NREP: variants seen among roughly 807,000 people sequenced by gnomAD.
NREP encodes the protein neuronal regeneration related protein.
NREP carries 5 observed loss-of-function variants against 8.6 expected under a neutral mutation model. That is an observed-to-expected ratio of 0.58 (90% CI 0.30 to 1.22). The LOEUF (loss-of-function observed/expected upper bound fraction) is 1.22. Among genes scored for constraint, NREP ranks in the 50% most tolerant of loss-of-function variants. The probability of loss-of-function intolerance (pLI) is 0.07; values close to 1 mark genes in which losing one functional copy is unlikely to be tolerated. For synonymous variants in NREP, 27 were observed against 28.0 expected (o/e 0.96, Z 0.11); for missense variants, 86 against 82.5 (o/e 1.04, Z -0.17).
At chr5:111,972,029 A>C (rs142370801) in intron 2 of NREP, among the ~76,000 whole-genome samples, 1 of 152,286 alleles carries the variant, frequency 6.6e-6, no homozygotes, top group Non-Finnish European at 1.5e-5. Context: ...TGTATAAAAA[A>C]CTCAAACAGC....
At chr5:111,912,975 C>G (rs1425998702) in intron 2 of NREP, among the ~76,000 whole-genome samples, 1 of 152,026 alleles carries the variant, frequency 6.6e-6, no homozygotes, top group East Asian at 1.9e-4. Flanking sequence ...TAGCATTGAC[C>G]AGTAATTGAT....
intron 2 of NREP, among the ~76,000 whole-genome samples, chr5:111,920,671 A>G (rs1283442768): frequency 6.6e-6 from 1 of 152,168 alleles, no homozygotes; most frequent in Non-Finnish European, 1.5e-5. Context: ...CTTCATTTAC[A>G]TAAGGCATGA....
chr5:111,940,771 C>A (rs1755807356), intron 2 of NREP, among the ~76,000 whole-genome samples: 1 of 152,010 alleles, frequency 6.6e-6, no homozygotes, highest in South Asian at 2.1e-4. Context: ...GTACTCACTG[C>A]AAGTTTGAGG....
chr5:111,808,677 A>G (rs947329711), intron 2 of NREP, among the ~76,000 whole-genome samples: 2 of 152,162 alleles, frequency 1.3e-5, no homozygotes, highest in Non-Finnish European at 2.9e-5. Context: ...CAATTTCGAT[A>G]ATATTCCATT....
chr5:111,747,646 C>G (rs892571858), intron 2 of NREP, among the ~76,000 whole-genome samples: 3 of 152,116 alleles, frequency 2.0e-5, no homozygotes. Context: ...CTTGGCTACT[C>G]CCCCTTCCTT....
At chr5:111,737,857 G>A (rs569392599) in intron 2 of NREP, among the ~76,000 whole-genome samples, 1 of 151,666 alleles carries the variant, frequency 6.6e-6, no homozygotes, top group African/African-American at 2.4e-5. Context: ...CACTGACCAA[G>A]GCTTTTTTTT....
At chr5:111,788,165 C>T (rs1325108799) in intron 2 of NREP, among the ~76,000 whole-genome samples, 3 of 152,152 alleles carry the variant, frequency 2.0e-5, no homozygotes, top group African/African-American at 7.2e-5. Flanking sequence ...ATATTGTGTT[C>T]TTGAGCCCAG....
rs372981898 is a variant in NREP, at chr5:111,863,227, T to G, written c.135+112047A>C. On this transcript the variant is annotated intron_variant, in intron 2 of 3. Coordinates refer to the NREP transcript ENST00000395634. ...GAGTAAGAGTTAAAATCAAGATGAT[T>G]TGGTGATAGGTTAGACATGGAGAGT... is the stretch of plus-strand genomic sequence containing the variant. Among the ~76,000 whole-genome samples the G allele has an allele frequency of 6.2e-4, 95 of 152,124 alleles. 2 individuals are homozygous for G. Among genetic ancestry groups the G allele is most frequent in the African/African-American group, 2.2e-3 (93 of 41,538 alleles).
chr5:111,973,411 T>C (rs183862377), intron 2 of NREP, among the ~76,000 whole-genome samples: 122 of 152,296 alleles, frequency 8.0e-4, no homozygotes, highest in African/African-American at 2.8e-3. Context: ...TCCTGAGCCA[T>C]ACAAAACTAT....
At position 111,896,149 on chromosome 5, in the gene NREP, A is replaced by C. The variant is rs377731484; in HGVS notation, c.135+79125T>G. On this transcript the variant is annotated intron_variant, in intron 2 of 3. Transcript: ENST00000395634. ...GCAGGGGCAGGGCAGCTTGAGAGGAAGCACAGAGATTGGTAGGAGGCTATT... is the reference window on the plus strand; with the variant it reads ...GCAGGGGCAGGGCAGCTTGAGAGGACGCACAGAGATTGGTAGGAGGCTATT... Among the ~76,000 whole-genome samples, 7 of 152,274 alleles carry C rather than the reference A, an allele frequency of 4.6e-5. No individual in the cohort carries two copies. In the South Asian group the frequency reaches 1.2e-3, roughly 27 times the overall value.
chr5:111,929,364 A>G (rs947933063), intron 2 of NREP, among the ~76,000 whole-genome samples: 2 of 152,214 alleles, frequency 1.3e-5, no homozygotes, highest in Admixed American at 6.5e-5. Context: ...AGGAGAGCCA[A>G]TGAGTTGGGG....
At chr5:111,766,039 C>A (rs1427941953) in intron 2 of NREP, among the ~76,000 whole-genome samples, 1 of 152,146 alleles carries the variant, frequency 6.6e-6, no homozygotes, top group Non-Finnish European at 1.5e-5. Context: ...GGTTCCCTCT[C>A]CCCACTTCAC....
At chr5:111,814,061 A>G (rs561305038) in intron 2 of NREP, among the ~76,000 whole-genome samples, 1 of 152,162 alleles carries the variant, frequency 6.6e-6, no homozygotes, top group Admixed American at 6.5e-5. Context: ...ATGTTTGAGA[A>G]AGAAGACAGT....
chr5:111,733,956 G>C (rs1748860677), intron 3 of NREP: 1 of 152,090 alleles, frequency 6.6e-6, no homozygotes, highest in Admixed American at 6.5e-5. Context: ...GGAACTTCTG[G>C]AAAAAGAACA....
At chr5:111,945,670 C>A (rs1755957771) in intron 2 of NREP, among the ~76,000 whole-genome samples, 1 of 151,908 alleles carries the variant, frequency 6.6e-6, no homozygotes, top group African/African-American at 2.4e-5. Flanking sequence ...ACACAGAGAA[C>A]TAGGAATGTA....
At chr5:111,969,295 A>T (rs1756735314) in intron 2 of NREP, among the ~76,000 whole-genome samples, 1 of 152,258 alleles carries the variant, frequency 6.6e-6, no homozygotes, top group Admixed American at 6.5e-5. Flanking sequence ...AAAAAGCTAT[A>T]TGACCAGGAC....
chr5:111,791,946 A>C (rs1317277436), intron 2 of NREP, among the ~76,000 whole-genome samples: 1 of 152,206 alleles, frequency 6.6e-6, no homozygotes, highest in East Asian at 1.9e-4. Flanking sequence ...AATAGTTCCC[A>C]CTTCAAAGGA....
intron 2 of NREP, among the ~76,000 whole-genome samples, chr5:111,878,281 G>C (rs75998043): frequency 0.041 from 6,296 of 152,242 alleles, 268 homozygotes; most frequent in East Asian, 0.11. Flanking sequence ...GAAGAACAGA[G>C]GTTTAATTGA....
intron 2 of NREP, among the ~76,000 whole-genome samples, chr5:111,902,129 C>T (rs1382835019): frequency 2.6e-5 from 4 of 151,740 alleles, no homozygotes; most frequent in Non-Finnish European, 4.4e-5. Flanking sequence ...AATAAAGAAC[C>T]CAGAAATTAA....
Sources: gnomAD v4.1 joint callset for allele counts (sites outside exome capture counted in the v4.1 genomes callset) on GRCh38, gnomAD v4.1.1 for gene constraint, MANE v1.5 for transcripts, NCBI Gene and HGNC (gene_info 2026-07-23, HGNC 2026-07-21) for gene names.